CAND1: variants seen among roughly 807,000 people sequenced by gnomAD.
The protein encoded by CAND1 is cullin-associated NEDD8-dissociated protein 1.
CAND1 carries 7 observed loss-of-function variants against 108.5 expected under a neutral mutation model. That is an observed-to-expected ratio of 0.06 (90% CI 0.04 to 0.12). The LOEUF is 0.12. Ranked by LOEUF, CAND1 falls within the 10% of genes least tolerant of loss-of-function variation. CAND1 has a pLI of 1.00. For missense variants in CAND1, 941 were observed against 1,448.7 expected (o/e 0.65, Z 5.69); for synonymous variants, 534 against 512.0 (o/e 1.04, Z -0.58).
chr12:67,297,549 G>A lies in CAND1; in HGVS notation c.634G>A (p.Val212Ile), dbSNP rs2044781271. 1 of 1,614,004 alleles carries A rather than the reference G, an allele frequency of 6.2e-7. No homozygotes were observed. Among genetic ancestry groups the A allele is most frequent in the African/African-American group, 1.3e-5 (1 of 74,928 alleles). ...TATGAGCTGTGGAAATATAGTTTTT[G>A]TAGATCTTATTGAACATCTGTTGTC... ...LVMSCGNIVF[V>I]DLIEHLLSEL... is the part of the protein sequence containing the mutation. The change falls in exon 5 of 15, where the codon GTA (valine) becomes ATA (isoleucine). Residue 212 changes from valine to isoleucine, a missense_variant. Transcript: ENST00000545606.
chr12:67,285,678 T>G (rs1387027211), intron 2 of CAND1, among the ~76,000 whole-genome samples: 1 of 152,208 alleles, frequency 6.6e-6, no homozygotes, highest in African/African-American at 2.4e-5. Flanking sequence ...GATAAAATTG[T>G]ATAATTTTAT....
In CAND1 at chr12:67,317,317, T is replaced by A. The variant is rs1167621850; in HGVS notation, c.*4487T>A. ...CGTCCAGCTAATTTTTTTATTTCCT[T>A]GTGGAGATGGGGTCTCATGACCTTG... On this transcript the variant is annotated 3_prime_UTR_variant, in exon 15 of 15. Coordinates refer to ENST00000545606, the MANE Select transcript of CAND1 (RefSeq NM_018448.5). 6.6e-6 allele frequency: 1 copy of A among 151,494 alleles called. No individual in the cohort carries two copies. Among genetic ancestry groups the A allele is most frequent in the Non-Finnish European group, 1.5e-5 (1 of 67,968 alleles). The allele number at this position is 151,494 out of a possible 1,614,324, so 9.4% of individuals were successfully genotyped here. A position where few individuals can be genotyped will look rare whatever the true frequency, so the allele number is the denominator to read the frequency against.
rs1165675661 is a variant in CAND1 at position 67,313,374 on chromosome 12, CATTTTTA to C, written c.*546_*552del. ...CAATTTTTAAAAGATAATAAGGTAT[CATTTTTA>C]AGTATGAAAATTAACAATATCCCTG... On this transcript the variant is annotated 3_prime_UTR_variant, in exon 15 of 15. Transcript: ENST00000545606. 6.6e-6 allele frequency: 1 copy of C among 152,568 alleles called. No homozygotes were observed. Among genetic ancestry groups the C allele is most frequent in the African/African-American group, 2.4e-5 (1 of 41,422 alleles). 9.5% of individuals were successfully genotyped at this position (152,568 alleles called of 1,614,324 possible).
At chr12:67,294,285 G>A (rs1195539446) in intron 3 of CAND1, among the ~76,000 whole-genome samples, 2 of 152,010 alleles carry the variant, frequency 1.3e-5, no homozygotes, top group African/African-American at 4.8e-5. Context: ...ATGACCTACT[G>A]TAAGTAGTAA....
chr12:67,307,046 C>T (rs1469857004), intron 10 of CAND1, among the ~76,000 whole-genome samples: 1 of 151,964 alleles, frequency 6.6e-6, no homozygotes, highest in Non-Finnish European at 1.5e-5. Context: ...GCAGTAATAG[C>T]CATTCATTCT....
At chr12:67,294,672 A>G (rs2044752378) in intron 3 of CAND1, among the ~76,000 whole-genome samples, 2 of 152,280 alleles carry the variant, frequency 1.3e-5, no homozygotes, top group African/African-American at 2.4e-5. Flanking sequence ...ATCTGCTGAC[A>G]TCTGTATTGT....
At chr12:67,286,266 T>C (rs2135999294) in intron 2 of CAND1, among the ~76,000 whole-genome samples, 1 of 152,296 alleles carries the variant, frequency 6.6e-6, no homozygotes, top group South Asian at 2.1e-4. Context: ...CACCTCGGCT[T>C]CCCAAAGTGC....
At chr12:67,307,319 T>C (rs2044897351) in intron 10 of CAND1, 78 bp from the exon 11 acceptor site, 2 of 951,902 alleles carry the variant, frequency 2.1e-6, no homozygotes, top group East Asian at 2.5e-5. Flanking sequence ...ACTGGTGTTA[T>C]TTGGAGTGGT....
intron 10 of CAND1, 123 bp downstream of exon 10, chr12:67,306,720 T>A (rs1179126452): frequency 1.4e-6 from 1 of 711,726 alleles, no homozygotes; most frequent in Non-Finnish European, 2.3e-6. Flanking sequence ...AAGTATGTGA[T>A]GAAGAAAAAC....
At chr12:67,297,338 G>A in intron 4 of CAND1, 69 bp from the exon 5 acceptor site, 3 of 1,410,594 alleles carry the variant, frequency 2.1e-6, no homozygotes, top group Non-Finnish European at 3.0e-6. Context: ...TCAGAGGCCA[G>A]ACATTTAGTA....
intron 1 of CAND1, among the ~76,000 whole-genome samples, chr12:67,278,630 T>C (rs2044592161): frequency 6.6e-6 from 1 of 152,162 alleles, no homozygotes; most frequent in Admixed American, 6.5e-5. Flanking sequence ...GCGATTCTCC[T>C]GCCTTAGCCT....
At chr12:67,288,928 G>A (rs1284060295) in intron 2 of CAND1, among the ~76,000 whole-genome samples, 1 of 152,136 alleles carries the variant, frequency 6.6e-6, no homozygotes, top group Non-Finnish European at 1.5e-5. Context: ...TCTTCTTGAT[G>A]TATGACCCTT....
intron 1 of CAND1, chr12:67,270,740 C>T (rs550162360): frequency 1.3e-5 from 2 of 149,792 alleles, no homozygotes; most frequent in East Asian, 3.9e-4. Flanking sequence ...TTTCCCGCCT[C>T]CCATCTCTTC....
Position 67,302,378 on chromosome 12 carries a change from A to G in CAND1, c.1056A>G (p.Ala352=), listed in dbSNP as rs778670710. Residue 352 remains alanine (A), a synonymous_variant, in exon 8 of 15, where the codon GCA becomes GCG. Coordinates refer to ENST00000545606, the MANE Select transcript of CAND1 (RefSeq NM_018448.5). The part of the protein sequence containing the change: ...DDDMSWKVRR[A]AAKCLDAVVS... Reference sequence around the variant, plus strand: ...ACATGAGTTGGAAAGTGAGACGTGCAGCTGCGAAGTGCTTGGATGCTGTAG... The same window carrying G: ...ACATGAGTTGGAAAGTGAGACGTGCGGCTGCGAAGTGCTTGGATGCTGTAG... The G allele has an allele frequency of 8.1e-5, 131 of 1,613,980 alleles. 1 individual carries two copies. Among genetic ancestry groups the G allele is most frequent in the Non-Finnish European group, 1.1e-4 (129 of 1,179,962 alleles).
At position 67,313,052 on chromosome 12, in the gene CAND1, G is replaced by A. The variant is rs983456523; in HGVS notation, c.*222G>A. The A allele has an allele frequency of 4.8e-6, 2 of 414,542 alleles. No homozygotes were observed. The highest frequency in any genetic ancestry group is 8.6e-6 in the Non-Finnish European group (2 of 231,498). 25.7% of individuals were successfully genotyped at this position (414,542 alleles called of 1,614,324 possible). ...ATCCAGAGGTTGTAAAACCACTAGT[G>A]TTTTAGTGGTTACAGCAACATTTGA... On this transcript the variant is annotated 3_prime_UTR_variant, in exon 15 of 15. Coordinates refer to ENST00000545606, the MANE Select transcript of CAND1 (RefSeq NM_018448.5).
chr12:67,288,217 C>T (rs2044690565), intron 2 of CAND1, among the ~76,000 whole-genome samples: 1 of 151,524 alleles, frequency 6.6e-6, no homozygotes, highest in South Asian at 2.1e-4. Flanking sequence ...CTGCAACCTC[C>T]ACCTCCCAGA....
At chr12:67,308,584 G>A (rs886453393) in intron 11 of CAND1, among the ~76,000 whole-genome samples, 2 of 151,982 alleles carry the variant, frequency 1.3e-5, no homozygotes, top group African/African-American at 4.8e-5. Context: ...ATCTAGTTAA[G>A]TATTCATGAC....
Position 67,312,696 on chromosome 12 carries a change from C to G in CAND1, c.3559C>G (p.Pro1187Ala). ...AGCAGTAGCAGCACTGCTAACCATT[C>G]CAGAAGCAGAGAAGAGTCCACTGAT... ...MRAVAALLTI[P>A]EAEKSPLMSE... The change falls in exon 15 of 15, where the codon CCA becomes GCA. Residue 1187 changes from proline to alanine, a missense_variant. Pro to Ala is a conservative substitution (Grantham distance 27). Transcript: ENST00000545606. The G allele has an allele frequency of 2.5e-6, 4 of 1,613,662 alleles. No homozygotes were observed. The highest frequency in any genetic ancestry group is 3.4e-6 in the Non-Finnish European group (4 of 1,179,696).
At chr12:67,284,007 T>G (rs2044644752) in intron 2 of CAND1, among the ~76,000 whole-genome samples, 1 of 152,238 alleles carries the variant, frequency 6.6e-6, no homozygotes, top group African/African-American at 2.4e-5. Flanking sequence ...CCCAATAGAT[T>G]ATTAAGCAGC....
Sources: allele counts gnomAD v4.1 joint callset (sites outside exome capture counted in the v4.1 genomes callset), GRCh38; gene constraint gnomAD v4.1.1; transcripts MANE v1.5; gene names NCBI Gene and HGNC (gene_info 2026-07-23, HGNC 2026-07-21).